Variants in MAGI2 observed in about 807,000 individuals in gnomAD.
MAGI2 encodes membrane-associated guanylate kinase, WW and PDZ domain-containing protein 2.
MAGI2 carries 35 observed loss-of-function variants against 133.3 expected under a neutral mutation model. The ratio of observed to expected loss-of-function variants is 0.26; its 90% CI spans 0.20 to 0.35. The LOEUF is 0.35. MAGI2 is among the 10% of genes least tolerant of loss of function. The probability of loss-of-function intolerance (pLI) is 1.00; values close to 1 mark genes in which losing one functional copy is unlikely to be tolerated. For synonymous variants in MAGI2, 729 were observed against 710.6 expected (o/e 1.03, Z -0.41); for missense variants, 1,636 against 1,863.4 (o/e 0.88, Z 2.25).
intron 1 of MAGI2, among the ~76,000 whole-genome samples, chr7:79,056,675 T>C (rs539798500): frequency 2.0e-5 from 3 of 152,204 alleles, no homozygotes; most frequent in Non-Finnish European, 4.4e-5. Flanking sequence ...AGCTTAATTA[T>C]ATTGGCTATG....
intron 1 of MAGI2, chr7:79,452,816 G>A: frequency 3.4e-6 from 2 of 583,878 alleles, no homozygotes; most frequent in Non-Finnish European, 5.9e-6. Flanking sequence ...AAAGTTGCAC[G>A]CCACACCACA....
intron 3 of MAGI2, among the ~76,000 whole-genome samples, chr7:78,524,797 G>A (rs1487015273): frequency 1.3e-5 from 2 of 152,080 alleles, no homozygotes; most frequent in African/African-American, 4.8e-5. Context: ...GCTTTCTATG[G>A]AATCTCAACA....
At chr7:79,433,250 G>A (rs1352648797) in intron 1 of MAGI2, among the ~76,000 whole-genome samples, 1 of 152,068 alleles carries the variant, frequency 6.6e-6, no homozygotes, top group Non-Finnish European at 1.5e-5. Context: ...AGGAGTAGGT[G>A]AGAGAAAAAT....
chr7:78,635,621 T>C (rs1809543997), intron 2 of MAGI2, among the ~76,000 whole-genome samples: 1 of 152,252 alleles, frequency 6.6e-6, no homozygotes, highest in Admixed American at 6.5e-5. Context: ...TATTCATATA[T>C]TCCCCCTTTC....
intron 1 of MAGI2, among the ~76,000 whole-genome samples, chr7:79,272,679 C>T (rs535728950): frequency 6.7e-6 from 1 of 149,744 alleles, no homozygotes; most frequent in South Asian, 2.1e-4. Context: ...TTAAAATATA[C>T]TTTATGGTTA....
chr7:79,185,759 G>A (rs191032883), intron 1 of MAGI2, among the ~76,000 whole-genome samples: 4 of 151,806 alleles, frequency 2.6e-5, no homozygotes, highest in African/African-American at 7.3e-5. Context: ...AGATGATTCA[G>A]GCTAACATTA....
chr7:79,394,057 G>A (rs929901537), intron 1 of MAGI2, among the ~76,000 whole-genome samples: 4 of 152,136 alleles, frequency 2.6e-5, no homozygotes, highest in African/African-American at 9.7e-5. Context: ...AGTCACTGGT[G>A]TACAAGAGTT....
At chr7:78,882,661 T>A (rs1584268206) in intron 2 of MAGI2, among the ~76,000 whole-genome samples, 1 of 152,068 alleles carries the variant, frequency 6.6e-6, no homozygotes, top group African/African-American at 2.4e-5. Context: ...TAATTCACCA[T>A]GATCAAGTAG....
chr7:78,028,266 A>G (rs1409192000), intron 21 of MAGI2, among the ~76,000 whole-genome samples: 1 of 152,258 alleles, frequency 6.6e-6, no homozygotes, highest in African/African-American at 2.4e-5. Flanking sequence ...TTTCACTTAT[A>G]TTACCAGAGA....
chr7:78,900,571 A>T (rs902470874), intron 2 of MAGI2, among the ~76,000 whole-genome samples: 3 of 152,018 alleles, frequency 2.0e-5, no homozygotes, highest in African/African-American at 7.3e-5. Context: ...CTTCCTTTGG[A>T]TACTTGCTCA....
At chr7:78,843,161 T>C (rs1487037257) in intron 2 of MAGI2, among the ~76,000 whole-genome samples, 4 of 151,896 alleles carry the variant, frequency 2.6e-5, no homozygotes, top group Admixed American at 2.6e-4. Flanking sequence ...CCACCAGATA[T>C]TGTTTGCAAC....
At chr7:78,208,181 G>A (rs1022612493) in intron 10 of MAGI2, among the ~76,000 whole-genome samples, 11 of 131,976 alleles carry the variant, frequency 8.3e-5, no homozygotes, top group East Asian at 4.7e-4. Flanking sequence ...GGCTTTCTCT[G>A]CAATGCTTTA....
At chr7:79,128,186 C>CT (rs34723024) in intron 1 of MAGI2, among the ~76,000 whole-genome samples, 37 of 147,182 alleles carry the variant, frequency 2.5e-4, no homozygotes, top group East Asian at 9.9e-4. Flanking sequence ...AATCTCTCTC[C>CT]TTTTTTTTTT....
At chr7:78,493,712 G>A (rs1048129653) in intron 5 of MAGI2, among the ~76,000 whole-genome samples, 1 of 152,072 alleles carries the variant, frequency 6.6e-6, no homozygotes, top group African/African-American at 2.4e-5. Flanking sequence ...TTCACTCCCT[G>A]GAATAGTAAT....
At chr7:78,740,157 T>C (rs1479454982) in intron 2 of MAGI2, among the ~76,000 whole-genome samples, 1 of 147,888 alleles carries the variant, frequency 6.8e-6, no homozygotes, top group Non-Finnish European at 1.5e-5. Context: ...CCAGACTCTG[T>C]CTAAAAAAAA....
intron 1 of MAGI2, among the ~76,000 whole-genome samples, chr7:79,432,297 G>T (rs1314744989): frequency 6.6e-6 from 1 of 152,210 alleles, no homozygotes; most frequent in Non-Finnish European, 1.5e-5. Flanking sequence ...TGCATGCACA[G>T]AAGTGGTCAT....
rs868372777 is a variant in MAGI2 at position 79,250,437 on chromosome 7, A to G, written c.301+202583T>C. On this transcript the variant is annotated intron_variant, in intron 1 of 21. Transcript: ENST00000354212. ...AAAGCAATACACAAAAGTCAGTACC[A>G]TTTGTATATAACAAAAGCGAACAAT... is the stretch of plus-strand genomic sequence containing the variant. 7.2e-5 allele frequency among the ~76,000 whole-genome samples: 11 copies of G among 152,150 alleles called. 1 individual carries two copies. The Middle Eastern group carries it at 0.024, about 329-fold the overall frequency.
chr7:78,133,931 C>T (rs1821828488), intron 17 of MAGI2: 1 of 151,944 alleles, frequency 6.6e-6, no homozygotes, highest in Admixed American at 6.6e-5. Context: ...TTTTTCCCCA[C>T]AGTCCAAATC....
intron 1 of MAGI2, among the ~76,000 whole-genome samples, chr7:79,186,768 T>G (rs1250757975): frequency 1.8e-5 from 2 of 110,152 alleles, no homozygotes; most frequent in African/African-American, 5.7e-5. Flanking sequence ...TATATATATA[T>G]ATATATATAC....
Sources: gnomAD v4.1 joint callset for allele counts (sites outside exome capture counted in the v4.1 genomes callset) on GRCh38, gnomAD v4.1.1 for gene constraint, MANE v1.5 for transcripts, NCBI Gene and HGNC (gene_info 2026-07-23, HGNC 2026-07-21) for gene names.